SHISA9: variants seen among roughly 807,000 people sequenced by gnomAD.
SHISA9 encodes shisa family member 9, also known as protein shisa-9.
A neutral mutation model predicts 38.0 loss-of-function variants in SHISA9; 13 were observed. The observed-to-expected ratio is 0.34, with a 90% CI of 0.22 to 0.54. The LOEUF is 0.54. Among genes scored for constraint, SHISA9 ranks in the 20% least tolerant of loss-of-function variants. The probability of loss-of-function intolerance (pLI) is 0.91; values close to 1 mark genes in which losing one functional copy is unlikely to be tolerated. For missense variants in SHISA9, 538 were observed against 575.8 expected (o/e 0.93, Z 0.67); for synonymous variants, 275 against 242.0 (o/e 1.14, Z -1.27).
chr16:13,368,403 C>A, the SHISA9 span, among the ~76,000 whole-genome samples: 39 of 152,100 alleles, frequency 2.6e-4, no homozygotes, highest in East Asian at 6.4e-3. Flanking sequence ...TATTCAAAAA[C>A]ATGCTAATTA....
chr16:12,905,975 C>A (rs2071087660), intron 1 of SHISA9, among the ~76,000 whole-genome samples: 1 of 152,194 alleles, frequency 6.6e-6, no homozygotes. Context: ...AGGTACCTGC[C>A]AAATGCATCC....
chr16:13,291,391 A>T, the SHISA9 span, among the ~76,000 whole-genome samples: 8 of 152,234 alleles, frequency 5.3e-5, no homozygotes, highest in African/African-American at 2.4e-5. Context: ...TAATTTTTGC[A>T]GTAATCTTTG....
At chr16:13,024,732 C>T (rs547484865) in intron 2 of SHISA9, among the ~76,000 whole-genome samples, 3 of 152,322 alleles carry the variant, frequency 2.0e-5, no homozygotes, top group South Asian at 4.1e-4. Flanking sequence ...GGTGACAATA[C>T]CCATTTCCAC....
At chr16:13,316,368 T>A in the SHISA9 span, among the ~76,000 whole-genome samples, 2 of 152,204 alleles carry the variant, frequency 1.3e-5, no homozygotes, top group Admixed American at 1.3e-4. Context: ...GCTGACCTCC[T>A]TCCCCAGGAA....
chr16:13,479,760 G>T, the SHISA9 span, among the ~76,000 whole-genome samples: 1 of 152,130 alleles, frequency 6.6e-6, no homozygotes, highest in East Asian at 1.9e-4. Context: ...CCATGCCATC[G>T]CAATACAATT....
intron 2 of SHISA9, among the ~76,000 whole-genome samples, chr16:13,197,126 C>CACACACACACAG (rs1441162397): frequency 0.015 from 2,231 of 150,220 alleles, 49 homozygotes; most frequent in African/African-American, 0.05. Flanking sequence ...CACACACACA[C>CACACACACACAG]ACACACACAC....
chr16:13,069,468 T>C (rs2073483806), intron 2 of SHISA9, among the ~76,000 whole-genome samples: 1 of 152,092 alleles, frequency 6.6e-6, no homozygotes, highest in Non-Finnish European at 1.5e-5. Flanking sequence ...TATGCATGTG[T>C]ATGTGTATAT....
At chr16:13,451,402 G>A in the SHISA9 span, among the ~76,000 whole-genome samples, 1 of 152,192 alleles carries the variant, frequency 6.6e-6, no homozygotes, top group Non-Finnish European at 1.5e-5. Context: ...TATGCAACCT[G>A]CTCCCTATTG....
At chr16:13,424,330 CCT>C in the SHISA9 span, among the ~76,000 whole-genome samples, 1 of 152,188 alleles carries the variant, frequency 6.6e-6, no homozygotes, top group African/African-American at 2.4e-5. Context: ...GTGGCCAGCC[CCT>C]CTCATTTGCT....
chr16:13,556,187 A>AC, the SHISA9 span, among the ~76,000 whole-genome samples: 1 of 152,192 alleles, frequency 6.6e-6, no homozygotes, highest in Admixed American at 6.5e-5. Context: ...TGTACTAAAC[A>AC]TGTTAAATAT....
chr16:13,455,309 C>A, the SHISA9 span, among the ~76,000 whole-genome samples: 4 of 152,134 alleles, frequency 2.6e-5, no homozygotes, highest in Non-Finnish European at 5.9e-5. Context: ...CCAATTCCAC[C>A]ATCCCATAGG....
chr16:12,988,054 A>G (rs1390296241), intron 2 of SHISA9, among the ~76,000 whole-genome samples: 1 of 152,206 alleles, frequency 6.6e-6, no homozygotes, highest in Non-Finnish European at 1.5e-5. Flanking sequence ...TATGCAGGAC[A>G]AGACAGCAAG....
At chr16:13,304,265 T>A in the SHISA9 span, among the ~76,000 whole-genome samples, 2 of 152,242 alleles carry the variant, frequency 1.3e-5, no homozygotes, top group African/African-American at 4.8e-5. Flanking sequence ...AGTTGCCTTT[T>A]ATTTTATTTT....
the SHISA9 span, among the ~76,000 whole-genome samples, chr16:13,435,269 C>G: frequency 6.6e-6 from 1 of 151,052 alleles, no homozygotes; most frequent in Non-Finnish European, 1.5e-5. Context: ...AACTATATGT[C>G]AGGAGCACTT....
At chr16:12,967,451 C>T (rs1441209096) in intron 2 of SHISA9, among the ~76,000 whole-genome samples, 1 of 151,858 alleles carries the variant, frequency 6.6e-6, no homozygotes, top group Non-Finnish European at 1.5e-5. Context: ...GGAGATATAC[C>T]TAATGCTAAA....
chr16:13,060,185 C>T (rs920390626), intron 2 of SHISA9, among the ~76,000 whole-genome samples: 1 of 152,220 alleles, frequency 6.6e-6, no homozygotes, highest in African/African-American at 2.4e-5. Flanking sequence ...CAATGCGCCC[C>T]GATGTGCCAC....
In SHISA9 at chr16:13,196,277, G is replaced by T. The variant is rs528572025; in HGVS notation, c.692-7117G>T. Among the ~76,000 whole-genome samples the T allele has an allele frequency of 1.6e-3, 242 of 149,800 alleles. 2 individuals are homozygous for T. Among genetic ancestry groups the T allele is most frequent in the African/African-American group, 5.6e-3 (229 of 40,698 alleles). On this transcript the variant is annotated intron_variant, in intron 2 of 4. Coordinates refer to ENST00000558583, the MANE Select transcript of SHISA9 (RefSeq NM_001145204.3). ...CTGGGCGAGGTGGCGCGTGCCTGTA[G>T]TTCCAGCTACTCGGGAGGCTGAGGC... is the stretch of plus-strand genomic sequence containing the variant.
At chr16:13,440,304 C>A in the SHISA9 span, among the ~76,000 whole-genome samples, 2 of 152,232 alleles carry the variant, frequency 1.3e-5, no homozygotes, top group Admixed American at 1.3e-4. Flanking sequence ...TTAATGCCTT[C>A]TGTTTCTGCA....
At chr16:13,033,102 T>C (rs1480600805) in intron 2 of SHISA9, among the ~76,000 whole-genome samples, 1 of 152,182 alleles carries the variant, frequency 6.6e-6, no homozygotes, top group Non-Finnish European at 1.5e-5. Flanking sequence ...GTAGAAAAGA[T>C]AGGGTGCTTT....
Sources: allele counts gnomAD v4.1 joint callset (sites outside exome capture counted in the v4.1 genomes callset), GRCh38; gene constraint gnomAD v4.1.1; transcripts MANE v1.5; gene names NCBI Gene and HGNC (gene_info 2026-07-23, HGNC 2026-07-21).